SEPTIN1: variants seen among roughly 807,000 people sequenced by gnomAD.
SEPTIN1 encodes the protein septin 1, also known as septin-1.
In SEPTIN1, 52 loss-of-function variants were observed where a neutral mutation model predicts 50.7. The ratio of observed to expected loss-of-function variants is 1.03; its 90% CI spans 0.82 to 1.29. SEPTIN1 has a LOEUF of 1.29. Ranked by LOEUF, SEPTIN1 falls within the 50% of genes most tolerant of loss-of-function variation. The pLI is 0.00. For missense variants in SEPTIN1, 455 were observed against 490.7 expected, an observed-to-expected ratio of 0.93 and a Z score of 0.69; for synonymous variants, 204 against 189.1, an observed-to-expected ratio of 1.08 and a Z score of -0.65.
In SEPTIN1 at chr16:30,381,090, T is replaced by A; in HGVS notation, c.573+37A>T. ...GTCTAAGCTGAAATCAGGTTTGGCT[T>A]CACATGGGGTCAAAGGTCAGAGGTC... On this transcript the variant is annotated intron_variant, in intron 6 of 10. Coordinates refer to ENST00000321367, the MANE Select transcript of SEPTIN1 (RefSeq NM_001365977.2). The surrounding 1 kb of genome is among the most constrained non-coding windows in gnomAD (Gnocchi z 4.3). 6.5e-7 allele frequency: 1 copy of A among 1,527,122 alleles called. No homozygotes were observed. Among genetic ancestry groups the A allele is most frequent in the Non-Finnish European group, 9.1e-7 (1 of 1,100,446 alleles). The allele number at this position is 1,527,122 out of a possible 1,614,324, so 94.6% of individuals were successfully genotyped here.
chr16:30,378,481 G>A lies in SEPTIN1; in HGVS notation c.1072C>T (p.Gln358Ter). The A allele has an allele frequency of 1.3e-6, 2 of 1,576,762 alleles. No homozygotes were observed. The highest frequency in any genetic ancestry group is 4.5e-5 in the East Asian group (2 of 44,314). The change falls in exon 11 of 11, where the codon CAA becomes TAA. Residue 358 changes from glutamine (Q) to a stop codon, truncating the protein, a stop_gained. Transcript: ENST00000321367. LOFTEE classifies it high-confidence loss of function. ...CCCTGGGCCTGGCTCTGCTGCATTT[G>A]GGCCTGCATCTTCTCCAGCATCTCT... ...MQEMLEKMQA[Q>*]MQQSQAQGEQ...
In SEPTIN1 at chr16:30,379,985, C is replaced by G. The variant is rs576142483; in HGVS notation, c.622G>C (p.Glu208Gln). The change falls in exon 7 of 11, where the codon GAA (glutamate) becomes CAA (glutamine). Residue 208 changes from glutamate to glutamine, a missense_variant. Transcript: ENST00000321367. ...EEEIHIYQFP[E>Q]CDSDEDEDFK... ...TCTTCATCTTCATCAGAGTCACATT[C>G]GGGGAACTGGTAGATGTGGATCTCC... The G allele has an allele frequency of 4.3e-6, 7 of 1,610,888 alleles. No individual in the cohort carries two copies. The highest frequency in any genetic ancestry group is 5.9e-6 in the Non-Finnish European group (7 of 1,177,468).
At chr16:30,380,257 C>T in intron 6 of SEPTIN1, 1 of 322,216 alleles carries the variant, frequency 3.1e-6, no homozygotes, top group Admixed American at 4.7e-5. Flanking sequence ...CATTAAGAGA[C>T]CAGGAGAAGC....
At chr16:30,378,850 G>GAGGGGGAGAGAGGGAA (rs2049793329) in intron 9 of SEPTIN1, 150 bp from the exon 10 acceptor site, 9 of 761,212 alleles carry the variant, frequency 1.2e-5, no homozygotes, top group African/African-American at 3.7e-5. Flanking sequence ...GGTGGGGAGA[G>GAGGGGGAGAGAGGGAA]AGGGGGAGAG....
rs1301002125 is a variant in SEPTIN1 at position 30,381,938 on chromosome 16, T to C, written c.197-55A>G. 2 of 1,610,330 alleles carry C rather than the reference T, an allele frequency of 1.2e-6. No individual in the cohort carries two copies. Among genetic ancestry groups the C allele is most frequent in the Admixed American group, 1.7e-5 (1 of 59,654 alleles). On this transcript the variant is annotated intron_variant, in intron 3 of 10. Transcript: ENST00000321367. This position sits in a 1 kb window ranked among gnomAD's most constrained non-coding sequence, Gnocchi z 4.3. ...GGGGAGGCTCTGAGGCAGAATTAAT[T>C]TCCTTTGTCAATATCACAGTTGCCT...
Position 30,379,977 on chromosome 16 carries a change from G to T in SEPTIN1, c.630C>A (p.Asp210Glu). 1 of 1,608,820 alleles carries T rather than the reference G, an allele frequency of 6.2e-7. No individual in the cohort carries two copies. Among genetic ancestry groups the T allele is most frequent in the Non-Finnish European group, 8.5e-7 (1 of 1,175,664 alleles). ...EIHIYQFPECDSDEDEDFKRQ... is the reference protein window; with the variant it reads ...EIHIYQFPECESDEDEDFKRQ... ...TCTTGAAGTCTTCATCTTCATCAGA[G>T]TCACATTCGGGGAACTGGTAGATGT... Residue 210 changes from aspartate to glutamate, a missense_variant, in exon 7 of 11, where the codon GAC becomes GAA. By Grantham distance (45) the Asp-to-Glu change is conservative (BLOSUM62 2). Coordinates refer to ENST00000321367, the MANE Select transcript of SEPTIN1 (RefSeq NM_001365977.2).
chr16:30,381,572 T>C lies in SEPTIN1; in HGVS notation c.321-99A>G, dbSNP rs904158471. Reference sequence around the variant, plus strand: ...GGGAGTAGAATGTCATTTCTTTGGCTCCCTCCAAAGACATTAAGGGGAACT... The same window carrying C: ...GGGAGTAGAATGTCATTTCTTTGGCCCCCTCCAAAGACATTAAGGGGAACT... On this transcript the variant is annotated intron_variant, in intron 4 of 10. Coordinates refer to ENST00000321367, the MANE Select transcript of SEPTIN1 (RefSeq NM_001365977.2). This position sits in a 1 kb window ranked among gnomAD's most constrained non-coding sequence, Gnocchi z 4.3. 2.0e-6 allele frequency: 3 copies of C among 1,517,976 alleles called. No homozygotes were observed. Among genetic ancestry groups the C allele is most frequent in the Non-Finnish European group, 2.7e-6 (3 of 1,105,010 alleles). 94.0% of individuals were successfully genotyped at this position (1,517,976 alleles called of 1,614,324 possible). A position where few individuals can be genotyped will look rare whatever the true frequency, so the allele number is the denominator to read the frequency against.
In SEPTIN1 at chr16:30,381,050, T is replaced by A. The variant is rs1209938153; in HGVS notation, c.573+77A>T. On this transcript the variant is annotated intron_variant, in intron 6 of 10. Coordinates refer to ENST00000321367, the MANE Select transcript of SEPTIN1 (RefSeq NM_001365977.2). This position sits in a 1 kb window ranked among gnomAD's most constrained non-coding sequence, Gnocchi z 4.3. Reference sequence around the variant, plus strand: ...ATGCACCATGCTCCAGAAAGGCCACTTCAAGATCAAAGAAGTCTAAGCTGA... The same window carrying A: ...ATGCACCATGCTCCAGAAAGGCCACATCAAGATCAAAGAAGTCTAAGCTGA... The A allele has an allele frequency of 8.3e-7, 1 of 1,211,896 alleles. No individual in the cohort carries two copies. Among genetic ancestry groups the A allele is most frequent in the Non-Finnish European group, 1.2e-6 (1 of 814,394 alleles). 75.1% of individuals were successfully genotyped at this position (1,211,896 alleles called of 1,614,324 possible).
In SEPTIN1 at chr16:30,381,402, C is replaced by T. The variant is rs747998291; in HGVS notation, c.392G>A (p.Arg131Gln). ...GACTCGGGAGTCCTGGATGTTCTTC[C>T]GGTTCAGGCCACTCTCATCCCTAAG... ...QYLRDESGLN[R>Q]KNIQDSRVHC... Residue 131 changes from arginine (R) to glutamine (Q), a missense_variant, in exon 5 of 11, where the codon CGG becomes CAG. Physicochemically the swap from Arg to Gln is conservative, Grantham distance 43. Coordinates refer to ENST00000321367, the MANE Select transcript of SEPTIN1 (RefSeq NM_001365977.2). The surrounding 1 kb of genome is among the most constrained non-coding windows in gnomAD (Gnocchi z 4.3). 3 of 1,613,794 alleles carry T rather than the reference C, an allele frequency of 1.9e-6. No homozygotes were observed. Among genetic ancestry groups the T allele is most frequent in the Non-Finnish European group, 2.5e-6 (3 of 1,179,922 alleles).
In SEPTIN1 at chr16:30,379,097, C is replaced by G; in HGVS notation, c.862G>C (p.Asp288His). 1 of 1,614,096 alleles carries G rather than the reference C, an allele frequency of 6.2e-7. No homozygotes were observed. The highest frequency in any genetic ancestry group is 1.3e-5 in the African/African-American group (1 of 75,020). Residue 288 changes from aspartate (D) to histidine (H), a missense_variant, in exon 9 of 11, where the codon GAT becomes CAT. By Grantham distance (81) the Asp-to-His change is moderately conservative. Coordinates refer to ENST00000321367, the MANE Select transcript of SEPTIN1 (RefSeq NM_001365977.2). Reference protein sequence around the residue: ...HLQDLKEVTHDLLYEGYRARC... With the variant: ...HLQDLKEVTHHLLYEGYRARC... ...GCCCGGTAGCCCTCGTAGAGCAGAT[C>G]GTGCGTCACCTCTTTCAGGTCCTGC...
Position 30,381,619 on chromosome 16 carries a change from T to C in SEPTIN1, c.320+141A>G. The C allele has an allele frequency of 6.8e-7, 1 of 1,475,400 alleles. No homozygotes were observed. The highest frequency in any genetic ancestry group is 9.2e-7 in the Non-Finnish European group (1 of 1,083,892). 91.4% of individuals were successfully genotyped at this position (1,475,400 alleles called of 1,614,324 possible). On this transcript the variant is annotated intron_variant, in intron 4 of 10. Coordinates refer to ENST00000321367, the MANE Select transcript of SEPTIN1 (RefSeq NM_001365977.2). This position sits in a 1 kb window ranked among gnomAD's most constrained non-coding sequence, Gnocchi z 4.3. ...AACTGGTGGGGGCCTAGGTGAGTCA[T>C]CAAGAAGCACAGGGACCCAGTGGCC...
At chr16:30,380,953 C>A in intron 6 of SEPTIN1, 174 bp downstream of exon 6, 1 of 676,760 alleles carries the variant, frequency 1.5e-6, no homozygotes, top group Admixed American at 2.4e-5. Context: ...CTATTTTGAG[C>A]CTTCAGAGAC....
chr16:30,382,429 T>G lies in SEPTIN1; in HGVS notation c.19-64A>C. The G allele has an allele frequency of 6.4e-7, 1 of 1,559,844 alleles. No homozygotes were observed. The highest frequency in any genetic ancestry group is 1.7e-5 in the Admixed American group (1 of 57,424). On this transcript the variant is annotated intron_variant, in intron 1 of 10. Coordinates refer to ENST00000321367, the MANE Select transcript of SEPTIN1 (RefSeq NM_001365977.2). This position sits in a 1 kb window ranked among gnomAD's most constrained non-coding sequence, Gnocchi z 4.8. ...GGCAGGCAGGGTCCCCAGGATCACTTGAGTTCCTGGGCTAGGAAGAGTCAG... is the reference window on the plus strand; with the variant it reads ...GGCAGGCAGGGTCCCCAGGATCACTGGAGTTCCTGGGCTAGGAAGAGTCAG...
At position 30,379,157 on chromosome 16, in the gene SEPTIN1, G is replaced by A; in HGVS notation, c.802C>T (p.Leu268=). ...TGCACCAGCATCCGTCGCAGGTTCA[G>A]GAAATCGCAGTGATGTGGGTTCTCC... is the stretch of plus-strand genomic sequence containing the variant. ...EVENPHHCDF[L]NLRRMLVQTH... is the part of the protein sequence containing the mutation. The change falls in exon 9 of 11, where the codon CTG becomes TTG. Residue 268 remains leucine, a synonymous_variant. Coordinates refer to ENST00000321367, the MANE Select transcript of SEPTIN1 (RefSeq NM_001365977.2). 1 of 1,614,164 alleles carries A rather than the reference G, an allele frequency of 6.2e-7. No homozygotes were observed. The highest frequency in any genetic ancestry group is 2.2e-5 in the East Asian group (1 of 44,880).
chr16:30,379,637 C>CCA, intron 7 of SEPTIN1, 103 bp from the exon 8 acceptor site: 9 of 353,934 alleles, frequency 2.5e-5, no homozygotes, highest in East Asian at 5.6e-5. Context: ...CCTGCCCCTT[C>CCA]CTCTTTTTTT....
chr16:30,379,638 C>CTTTTT, intron 7 of SEPTIN1, 104 bp from the exon 8 acceptor site: 33 of 295,568 alleles, frequency 1.1e-4, no homozygotes, highest in South Asian at 4.6e-4. Flanking sequence ...CTGCCCCTTC[C>CTTTTT]TCTTTTTTTT....
In SEPTIN1 at chr16:30,381,884, C is replaced by T. The variant is rs2049854477; in HGVS notation, c.197-1G>A. 1 of 1,614,022 alleles carries T rather than the reference C, an allele frequency of 6.2e-7. No homozygotes were observed. On this transcript the variant is annotated splice_acceptor_variant, in intron 3 of 10. Coordinates refer to ENST00000321367, the MANE Select transcript of SEPTIN1 (RefSeq NM_001365977.2). LOFTEE classifies it high-confidence loss of function. The surrounding 1 kb of genome is among the most constrained non-coding windows in gnomAD (Gnocchi z 4.3). ...ATGGCCAGGGTCTGTGTCAAGCGAGCTGTGGGATGGGGGAGAGGTCAGGGA... is the reference window on the plus strand; with the variant it reads ...ATGGCCAGGGTCTGTGTCAAGCGAGTTGTGGGATGGGGGAGAGGTCAGGGA...
Position 30,382,392 on chromosome 16 carries a change from G to T in SEPTIN1, c.19-27C>A. On this transcript the variant is annotated intron_variant, in intron 1 of 10. Coordinates refer to ENST00000321367, the MANE Select transcript of SEPTIN1 (RefSeq NM_001365977.2). This position sits in a 1 kb window ranked among gnomAD's most constrained non-coding sequence, Gnocchi z 4.8. The stretch of plus-strand genomic sequence containing the variant: ...TATGGATGGGGGTGGACAATATGAG[G>T]CTGCTGGCAATGGCAGGCAGGGTCC... The T allele has an allele frequency of 6.3e-7, 1 of 1,590,786 alleles. No homozygotes were observed. Among genetic ancestry groups the T allele is most frequent in the Non-Finnish European group, 8.6e-7 (1 of 1,164,276 alleles).
intron 8 of SEPTIN1, 103 bp downstream of exon 8, chr16:30,379,332 C>A: frequency 7.1e-7 from 1 of 1,405,444 alleles, no homozygotes; most frequent in Non-Finnish European, 1.0e-6. Context: ...CTCCTAGGAT[C>A]CCCTGGGACC....
Sources: allele counts gnomAD v4.1 joint callset, GRCh38; gene constraint gnomAD v4.1.1; non-coding constraint Gnocchi (gnomAD v3.1); transcripts MANE v1.5; gene names NCBI Gene and HGNC (gene_info 2026-07-23, HGNC 2026-07-21).